CDK14: variants seen among roughly 807,000 people sequenced by gnomAD.
CDK14 encodes cyclin-dependent kinase 14.
A neutral mutation model predicts 60.7 loss-of-function variants in CDK14; 34 were observed. That is an observed-to-expected ratio of 0.56 (90% CI 0.43 to 0.75). The LOEUF is 0.75. Ranked by LOEUF, CDK14 falls within the 30% of genes least tolerant of loss-of-function variation. CDK14 has a pLI of 0.00. For synonymous variants in CDK14, 197 were observed against 203.7 expected (o/e 0.97, Z 0.28); for missense variants, 482 against 564.1 (o/e 0.85, Z 1.47).
At chr7:90,895,325 C>A (rs12704580) in intron 6 of CDK14, among the ~76,000 whole-genome samples, 1 of 40,942 alleles carries the variant, frequency 2.4e-5, no homozygotes, top group Admixed American at 3.5e-4. Context: ...TCTTTCCTCT[C>A]CTTTCCTCTC....
chr7:90,736,344 G>GTTT (rs1245652024), intron 3 of CDK14, among the ~76,000 whole-genome samples: 502 of 40,944 alleles, frequency 0.012, 19 homozygotes, highest in Non-Finnish European at 0.017. Flanking sequence ...ACTTTATTAT[G>GTTT]TTTTTGTTTT....
intron 14 of CDK14, among the ~76,000 whole-genome samples, chr7:91,173,899 C>T (rs1454903852): frequency 6.6e-6 from 1 of 152,248 alleles, no homozygotes; most frequent in Non-Finnish European, 1.5e-5. Flanking sequence ...CGCCATTGCA[C>T]AGGCTTGATT....
At chr7:91,089,383 T>C (rs1584040581) in intron 12 of CDK14, among the ~76,000 whole-genome samples, 1 of 152,162 alleles carries the variant, frequency 6.6e-6, no homozygotes, top group Non-Finnish European at 1.5e-5. Flanking sequence ...ATCAGAGGCT[T>C]ATAAATGTTG....
chr7:90,680,378 A>G (rs935707740), intron 2 of CDK14, among the ~76,000 whole-genome samples: 1 of 152,232 alleles, frequency 6.6e-6, no homozygotes, highest in Non-Finnish European at 1.5e-5. Flanking sequence ...GTCTTCAAAT[A>G]TTATTTGGTA....
At chr7:90,726,834 A>G (rs1316897699) in intron 3 of CDK14, 22 bp downstream of exon 3, 1 of 1,611,694 alleles carries the variant, frequency 6.2e-7, no homozygotes, top group Non-Finnish European at 8.5e-7. Context: ...CTTTTTGTTT[A>G]TCACTGGGTA....
At chr7:91,055,552 A>C (rs976423928) in intron 11 of CDK14, among the ~76,000 whole-genome samples, 1 of 152,216 alleles carries the variant, frequency 6.6e-6, no homozygotes, top group Non-Finnish European at 1.5e-5. Flanking sequence ...AAAATCCCAA[A>C]TAAACTGGTT....
intron 10 of CDK14, among the ~76,000 whole-genome samples, chr7:91,037,917 A>G (rs1314717711): frequency 6.6e-6 from 1 of 152,242 alleles, no homozygotes; most frequent in Non-Finnish European, 1.5e-5. Flanking sequence ...GGATTAAGGT[A>G]CTTTCACAGG....
intron 8 of CDK14, among the ~76,000 whole-genome samples, chr7:90,944,429 A>C (rs1794037521): frequency 6.6e-6 from 1 of 152,146 alleles, no homozygotes; most frequent in African/African-American, 2.4e-5. Flanking sequence ...TGGAGATACA[A>C]AGGCAGGTGA....
intron 10 of CDK14, among the ~76,000 whole-genome samples, chr7:91,017,664 A>G (rs1225540155): frequency 6.6e-6 from 1 of 152,210 alleles, no homozygotes; most frequent in African/African-American, 2.4e-5. Flanking sequence ...TGACATAGAC[A>G]GAATAAATGG....
Position 91,018,360 on chromosome 7 carries a change from T to G in CDK14, c.1042-27537T>G, listed in dbSNP as rs188904814. 3.5e-4 allele frequency among the ~76,000 whole-genome samples: 54 copies of G among 152,296 alleles called. No individual in the cohort carries two copies. The East Asian group carries it at 4.4e-3, about 13-fold the overall frequency. On this transcript the variant is annotated intron_variant, in intron 10 of 14. Coordinates refer to ENST00000380050, the MANE Select transcript of CDK14 (RefSeq NM_001287135.2). ...ACAAAATACCATAAGCTGGGTAAAT[T>G]ATAAACAATGGAAACTTACTTCTCA...
chr7:91,112,782 C>A, intron 13 of CDK14, 101 bp downstream of exon 13: 1 of 1,232,612 alleles, frequency 8.1e-7, no homozygotes, highest in South Asian at 1.4e-5. Flanking sequence ...ATTTGTGTGT[C>A]CACAAACATA....
At chr7:90,725,342 T>C (rs374989550) in intron 2 of CDK14, among the ~76,000 whole-genome samples, 95 of 152,178 alleles carry the variant, frequency 6.2e-4, no homozygotes, top group African/African-American at 1.8e-3. Flanking sequence ...CACTCACAAA[T>C]ATCTATATCT....
At chr7:90,658,995 G>A (rs894947362) in intron 2 of CDK14, among the ~76,000 whole-genome samples, 17 of 152,172 alleles carry the variant, frequency 1.1e-4, no homozygotes, top group African/African-American at 1.9e-4. Context: ...AAGAACAATA[G>A]TGTGTCTGGT....
At chr7:90,888,160 G>A (rs190507938) in intron 6 of CDK14, among the ~76,000 whole-genome samples, 176 of 152,160 alleles carry the variant, frequency 1.2e-3, no homozygotes, top group African/African-American at 3.8e-3. Context: ...GACCATCCTG[G>A]CCAGCATGGT....
At chr7:90,748,440 T>C (rs1362329167) in intron 4 of CDK14, among the ~76,000 whole-genome samples, 3 of 152,228 alleles carry the variant, frequency 2.0e-5, no homozygotes, top group African/African-American at 7.2e-5. Flanking sequence ...TTTAGTGACA[T>C]GTAGTTGTAG....
At chr7:90,765,520 G>C (rs1430529692) in intron 4 of CDK14, among the ~76,000 whole-genome samples, 4 of 151,870 alleles carry the variant, frequency 2.6e-5, no homozygotes, top group Non-Finnish European at 5.9e-5. Flanking sequence ...GTTTCAAAGA[G>C]CATGGACGAT....
At chr7:91,111,456 C>T (rs575587976) in intron 12 of CDK14, among the ~76,000 whole-genome samples, 18 of 152,248 alleles carry the variant, frequency 1.2e-4, no homozygotes, top group African/African-American at 4.1e-4. Context: ...ATATATTGCA[C>T]CGGGTTTCAG....
intron 1 of CDK14, among the ~76,000 whole-genome samples, chr7:90,603,546 A>C (rs1799358117): frequency 6.6e-6 from 1 of 152,218 alleles, no homozygotes; most frequent in South Asian, 2.1e-4. Flanking sequence ...TGACATTTGC[A>C]CAATGAAATT....
intron 5 of CDK14, among the ~76,000 whole-genome samples, chr7:90,852,094 G>T (rs1423386316): frequency 1.3e-5 from 2 of 152,060 alleles, no homozygotes; most frequent in Non-Finnish European, 2.9e-5. Flanking sequence ...ATGGAGTCTT[G>T]CTATGTTTCC....
Sources: gnomAD v4.1 joint callset for allele counts (sites outside exome capture counted in the v4.1 genomes callset) on GRCh38, gnomAD v4.1.1 for gene constraint, MANE v1.5 for transcripts, NCBI Gene and HGNC (gene_info 2026-07-23, HGNC 2026-07-21) for gene names.